Variants in NRXN3 observed in about 807,000 individuals in gnomAD.
NRXN3 encodes neurexin 3.
In NRXN3, 32 loss-of-function variants were observed where a neutral mutation model predicts 137.6. The observed-to-expected ratio is 0.23, with a 90% CI of 0.18 to 0.31. The LOEUF (loss-of-function observed/expected upper bound fraction) is 0.31. Ranked by LOEUF, NRXN3 falls within the 10% of genes least tolerant of loss-of-function variation. The probability of loss-of-function intolerance (pLI) is 1.00; values close to 1 mark genes in which losing one functional copy is unlikely to be tolerated. For missense variants in NRXN3, 1,574 were observed against 2,062.5 expected, an observed-to-expected ratio of 0.76 and a Z score of 4.59; for synonymous variants, 798 against 784.5, an observed-to-expected ratio of 1.02 and a Z score of -0.29.
chr14:78,918,308 G>A (rs220102), intron 10 of NRXN3, among the ~76,000 whole-genome samples: 16,007 of 104,914 alleles, frequency 0.15, 2,942 homozygotes, highest in African/African-American at 0.44. Flanking sequence ...AAAAAAAAAA[G>A]AGAGAGAGAG....
At chr14:79,533,958 C>T (rs1447200514) in intron 16 of NRXN3, among the ~76,000 whole-genome samples, 1 of 152,156 alleles carries the variant, frequency 6.6e-6, no homozygotes, top group East Asian at 1.9e-4. Context: ...AGATCTAATG[C>T]ACTTAATTTG....
At chr14:79,545,668 T>G (rs2097312139) in intron 16 of NRXN3, among the ~76,000 whole-genome samples, 1 of 145,276 alleles carries the variant, frequency 6.9e-6, no homozygotes, top group African/African-American at 2.5e-5. Context: ...GGAGGGCTTG[T>G]TTTTTTTTTT....
intron 6 of NRXN3, among the ~76,000 whole-genome samples, chr14:78,660,428 T>C (rs972545694): frequency 3.3e-5 from 5 of 152,032 alleles, no homozygotes; most frequent in African/African-American, 1.2e-4. Flanking sequence ...GACTCCTAAT[T>C]AGAGACTCCT....
intron 15 of NRXN3, among the ~76,000 whole-genome samples, chr14:79,272,935 G>A (rs901330472): frequency 6.6e-6 from 1 of 152,148 alleles, no homozygotes; most frequent in African/African-American, 2.4e-5. Flanking sequence ...CACTTTGGGA[G>A]GCCAAGACGA....
At chr14:79,266,157 A>G (rs2153417358) in intron 15 of NRXN3, among the ~76,000 whole-genome samples, 1 of 152,268 alleles carries the variant, frequency 6.6e-6, no homozygotes, top group South Asian at 2.1e-4. Flanking sequence ...TTAATGTTTG[A>G]GCCAGGGACT....
intron 10 of NRXN3, among the ~76,000 whole-genome samples, chr14:78,841,231 T>C (rs1159434238): frequency 6.6e-6 from 1 of 152,174 alleles, no homozygotes; most frequent in East Asian, 1.9e-4. Flanking sequence ...GAAGTGTCTC[T>C]GCTTTGCTAG....
At chr14:79,803,499 C>T (rs531440875) in intron 19 of NRXN3, among the ~76,000 whole-genome samples, 4 of 152,202 alleles carry the variant, frequency 2.6e-5, no homozygotes, top group Non-Finnish European at 5.9e-5. Context: ...GGTATGTCTG[C>T]GTCCTACTGT....
intron 6 of NRXN3, among the ~76,000 whole-genome samples, chr14:78,705,357 G>T (rs1012836416): frequency 1.3e-5 from 2 of 152,136 alleles, no homozygotes; most frequent in Non-Finnish European, 2.9e-5. Context: ...CTGACCCAGG[G>T]TGCCAGTACA....
intron 19 of NRXN3, among the ~76,000 whole-genome samples, chr14:79,724,692 A>G (rs2098870663): frequency 6.6e-6 from 1 of 152,158 alleles, no homozygotes; most frequent in South Asian, 2.1e-4. Flanking sequence ...GAGAAAAACA[A>G]CCAATTTTGT....
chr14:79,713,877 G>A (rs1221357501), intron 19 of NRXN3, among the ~76,000 whole-genome samples: 1 of 151,872 alleles, frequency 6.6e-6, no homozygotes, highest in Non-Finnish European at 1.5e-5. Flanking sequence ...CACACCAGAT[G>A]CTTATATTTT....
At chr14:78,987,939 C>A in intron 14 of NRXN3, 83 bp from the exon 15 acceptor site, 1 of 1,452,388 alleles carries the variant, frequency 6.9e-7, no homozygotes, top group South Asian at 1.4e-5. Context: ...ATGGTAAATT[C>A]AGGTGATTTC....
At chr14:78,544,584 T>C (rs1421316034) in intron 4 of NRXN3, among the ~76,000 whole-genome samples, 6 of 152,216 alleles carry the variant, frequency 3.9e-5, no homozygotes, top group African/African-American at 1.4e-4. Flanking sequence ...GTGGAATTCA[T>C]GCTTTTACTA....
At chr14:79,140,122 A>G (rs990466518) in intron 15 of NRXN3, among the ~76,000 whole-genome samples, 1 of 152,072 alleles carries the variant, frequency 6.6e-6, no homozygotes, top group African/African-American at 2.4e-5. Flanking sequence ...TTATCTATTA[A>G]TTTCTATCTC....
intron 16 of NRXN3, among the ~76,000 whole-genome samples, chr14:79,485,082 G>A (rs913551893): frequency 1.3e-5 from 2 of 151,948 alleles, no homozygotes; most frequent in African/African-American, 2.4e-5. Context: ...ATATTGATGT[G>A]TCGTGATTTT....
intron 15 of NRXN3, among the ~76,000 whole-genome samples, chr14:79,438,081 C>T (rs540160549): frequency 6.6e-6 from 1 of 152,272 alleles, no homozygotes; most frequent in South Asian, 2.1e-4. Context: ...TACTCTATTG[C>T]CTCTGGCTGG....
At chr14:79,299,948 A>G (rs757446211) in intron 15 of NRXN3, among the ~76,000 whole-genome samples, 3 of 152,116 alleles carry the variant, frequency 2.0e-5, no homozygotes, top group African/African-American at 2.4e-5. Flanking sequence ...TCAGCCATGT[A>G]TAAGACATTG....
chr14:79,367,723 A>C (rs1004520395), intron 15 of NRXN3, among the ~76,000 whole-genome samples: 72 of 152,234 alleles, frequency 4.7e-4, no homozygotes, highest in African/African-American at 1.7e-3. Context: ...TAGATGAGGA[A>C]ACTGGGAATC....
chr14:79,229,198 A>T (rs920674419), intron 15 of NRXN3, among the ~76,000 whole-genome samples: 3 of 152,290 alleles, frequency 2.0e-5, no homozygotes, highest in Middle Eastern at 3.4e-3. Context: ...TTAAGAGGTC[A>T]TCTAAAATAG....
In NRXN3 at chr14:79,861,134, C is replaced by T. The variant is rs1305522247; in HGVS notation, c.4094-208C>T. ...TTCCATTACACTCCCCCCTACCTTT[C>T]GCCCCCTCCTCACCATTATTGAGAC... On this transcript the variant is annotated intron_variant, in intron 20 of 20. Transcript: ENST00000335750. The surrounding 1 kb of genome is among the most constrained non-coding windows in gnomAD (Gnocchi z 5.4). 32 of 1,496,408 alleles carry T rather than the reference C, an allele frequency of 2.1e-5. No homozygotes were observed. Among genetic ancestry groups the T allele is most frequent in the African/African-American group, 2.8e-5 (2 of 71,508 alleles). The allele number at this position is 1,496,408 out of a possible 1,614,324, so 92.7% of individuals were successfully genotyped here. A position where few individuals can be genotyped will look rare whatever the true frequency, so the allele number is the denominator to read the frequency against.
Sources: gnomAD v4.1 joint callset for allele counts (sites outside exome capture counted in the v4.1 genomes callset) on GRCh38, gnomAD v4.1.1 for gene constraint, Gnocchi (gnomAD v3.1) non-coding constraint, MANE v1.5 for transcripts, NCBI Gene and HGNC (gene_info 2026-07-23, HGNC 2026-07-21) for gene names.